Variants in CYP4A11 observed in about 807,000 individuals in gnomAD.
CYP4A11 encodes the protein cytochrome P450 family 4 subfamily A member 11.
In CYP4A11, 52 loss-of-function variants were observed where a neutral mutation model predicts 57.7. The observed-to-expected ratio is 0.90, with a 90% CI of 0.72 to 1.14. The LOEUF (loss-of-function observed/expected upper bound fraction) is 1.14. Among genes scored for constraint, CYP4A11 ranks in the 50% most tolerant of loss-of-function variants. The pLI, the probability that CYP4A11 is intolerant of heterozygous loss-of-function variation, is 0.00. For synonymous variants in CYP4A11, 228 were observed against 247.1 expected (o/e 0.92, Z 0.72); for missense variants, 641 against 642.1 (o/e 1.00, Z 0.02).
chr1:46,935,659 G>A lies in CYP4A11; in HGVS notation c.511-12C>T, dbSNP rs1044948725. ...TCTTCCCATTTGTCCTGTGGTGGGA[G>A]GGGGCATGGACCTTCTTAATCTCCA... On this transcript the variant is annotated splice_polypyrimidine_tract_variant and intron_variant, in intron 4 of 11. Transcript: ENST00000310638. 1 of 1,610,870 alleles carries A rather than the reference G, an allele frequency of 6.2e-7. No individual in the cohort carries two copies. The highest frequency in any genetic ancestry group is 1.7e-5 in the Admixed American group (1 of 59,468).
rs539428854 is a variant in CYP4A11 at position 46,935,527 on chromosome 1, C to A, written c.631G>T (p.Asp211Tyr). The part of the protein sequence containing the change: ...AFSHQGSIQV[D>Y]RNSQSYIQAI... Reference sequence around the variant, plus strand: ...AGCTGGAGGGTTGTCACTGACCTGTCCACCTGGATGCTGCCCTGATGGCTG... The same window carrying A: ...AGCTGGAGGGTTGTCACTGACCTGTACACCTGGATGCTGCCCTGATGGCTG... The change falls in exon 5 of 12, where the codon GAC becomes TAC. Residue 211 changes from aspartate to tyrosine, a missense_variant. Asp to Tyr is a radical substitution (Grantham distance 160). Coordinates refer to ENST00000310638, the MANE Select transcript of CYP4A11 (RefSeq NM_000778.4). 9.9e-6 allele frequency: 16 copies of A among 1,613,762 alleles called. No homozygotes were observed. The South Asian group carries it at 1.4e-4, about 14-fold the overall frequency.
Position 46,932,975 on chromosome 1 carries a change from C to G in CYP4A11, c.1287+8G>C, listed in dbSNP as rs758135288. The G allele has an allele frequency of 6.2e-7, 1 of 1,614,204 alleles. No homozygotes were observed. Among genetic ancestry groups the G allele is most frequent in the Non-Finnish European group, 8.5e-7 (1 of 1,180,038 alleles). ...TCACCTCATTTCCTCCTCTCAAGGA[C>G]CACATACCTCTGGGTTGGGCCACAC... On this transcript the variant is annotated splice_region_variant and intron_variant, in intron 10 of 11. Coordinates refer to ENST00000310638, the MANE Select transcript of CYP4A11 (RefSeq NM_000778.4).
At chr1:46,930,542 C>T (rs1680958749) in intron 11 of CYP4A11, among the ~76,000 whole-genome samples, 1 of 152,200 alleles carries the variant, frequency 6.6e-6, no homozygotes, top group Admixed American at 6.5e-5. Flanking sequence ...CTACCCTCTA[C>T]CTCTGCTCTC....
At position 46,930,105 on chromosome 1, in the gene CYP4A11, G is replaced by T. The variant is rs1680920699; in HGVS notation, c.*10C>A. ...GGGGGTCAGGAAGACAGGACGGCAG[G>T]TGGAGGCCCTCAAAGCTGGTCCTTG... is the stretch of plus-strand genomic sequence containing the variant. On this transcript the variant is annotated 3_prime_UTR_variant, in exon 12 of 12. Transcript: ENST00000310638. 1.2e-6 allele frequency: 2 copies of T among 1,603,446 alleles called. No homozygotes were observed. Among genetic ancestry groups the T allele is most frequent in the Non-Finnish European group, 8.5e-7 (1 of 1,173,310 alleles).
chr1:46,931,831 G>A (rs1681046658), intron 11 of CYP4A11: 2 of 832,812 alleles, frequency 2.4e-6, no homozygotes, highest in African/African-American at 1.8e-5. Context: ...TATCGTTTTT[G>A]CCTGTGTGTA....
intron 9 of CYP4A11, among the ~76,000 whole-genome samples, 169 bp from the exon 10 acceptor site, chr1:46,933,216 G>A (rs371475955): frequency 1.5e-3 from 231 of 152,308 alleles, no homozygotes; most frequent in African/African-American, 5.3e-3. Flanking sequence ...AACAAAGCAT[G>A]TGAGTTCAGA....
chr1:46,939,254 C>T (rs933106618), intron 1 of CYP4A11, among the ~76,000 whole-genome samples: 2 of 152,240 alleles, frequency 1.3e-5, no homozygotes, highest in African/African-American at 2.4e-5. Flanking sequence ...GCTTGCCCTA[C>T]TGTGGGGTAG....
intron 1 of CYP4A11, 37 bp downstream of exon 1, chr1:46,941,202 C>T (rs1557563468): frequency 6.3e-7 from 1 of 1,593,850 alleles, no homozygotes; most frequent in Middle Eastern, 1.9e-4. Flanking sequence ...CCCCATCCCT[C>T]TTTGCCCTCC....
intron 1 of CYP4A11, 39 bp from the exon 2 acceptor site, chr1:46,938,176 T>C: frequency 6.2e-7 from 1 of 1,612,926 alleles, no homozygotes; most frequent in Non-Finnish European, 8.5e-7. Context: ...TTTCATTTAC[T>C]TCTAGTCTTT....
intron 1 of CYP4A11, 75 bp from the exon 2 acceptor site, chr1:46,938,212 C>T (rs1681538439): frequency 1.6e-5 from 25 of 1,578,982 alleles, no homozygotes; most frequent in Non-Finnish European, 2.0e-5. Context: ...GGCAGGACAA[C>T]TACAGGAGCC....
At chr1:46,932,931 A>C (rs1194342243) in intron 10 of CYP4A11, 52 bp downstream of exon 10, 4 of 1,613,970 alleles carry the variant, frequency 2.5e-6, no homozygotes, top group South Asian at 2.2e-5. Context: ...AAGCAGGAGA[A>C]GGTATTGGTC....
At chr1:46,940,838 C>G in intron 1 of CYP4A11, 2 of 985,374 alleles carry the variant, frequency 2.0e-6, no homozygotes, top group Non-Finnish European at 2.4e-6. Context: ...AGATGGGTGT[C>G]TGTGCTCCCT....
intron 3 of CYP4A11, among the ~76,000 whole-genome samples, chr1:46,937,054 A>C (rs1448197875): frequency 6.6e-6 from 1 of 152,198 alleles, no homozygotes; most frequent in Non-Finnish European, 1.5e-5. Flanking sequence ...TTGTGGGCAG[A>C]TGTAAAATAA....
In CYP4A11 at chr1:46,931,755, G is replaced by C. The variant is rs921250047; in HGVS notation, c.1364+1006C>G. The stretch of plus-strand genomic sequence containing the variant: ...TCTTAAAGCCTGTTCTGTGTAAGTG[G>C]ACTCACCGTTTCAAAAAGTCACATA... On this transcript the variant is annotated intron_variant, in intron 11 of 11. Coordinates refer to ENST00000310638, the MANE Select transcript of CYP4A11 (RefSeq NM_000778.4). The C allele has an allele frequency of 7.5e-6, 5 of 669,214 alleles. No homozygotes were observed. The African/African-American group carries it at 9.8e-5, about 13-fold the overall frequency. The allele number at this position is 669,214 out of a possible 1,614,324, so 41.5% of individuals were successfully genotyped here. A position where few individuals can be genotyped will look rare whatever the true frequency, so the allele number is the denominator to read the frequency against.
chr1:46,932,685 A>G lies in CYP4A11; in HGVS notation c.1364+76T>C, dbSNP rs566900897. The G allele has an allele frequency of 3.8e-5, 62 of 1,611,928 alleles. No homozygotes were observed. The Middle Eastern group carries it at 5.0e-4, about 13-fold the overall frequency. ...CCTGAAGATGCCACATATGAACATC[A>G]GGCTCACAAAGATCAGAGGGTTGAC... is the stretch of plus-strand genomic sequence containing the variant. On this transcript the variant is annotated intron_variant, in intron 11 of 11. Coordinates refer to ENST00000310638, the MANE Select transcript of CYP4A11 (RefSeq NM_000778.4).
chr1:46,936,747 G>A lies in CYP4A11; in HGVS notation c.427C>T (p.Arg143Ter), dbSNP rs754705570. The change falls in exon 4 of 12, where the codon CGA (arginine) becomes TGA (stop). Residue 143 changes from arginine to a stop codon, truncating the protein, a stop_gained. Transcript: ENST00000310638. LOFTEE classifies it high-confidence loss of function. ...TGGAAGGCTGGGGTCAGCATCCGTC[G>A]ATGCTGGAACCATGTCTGCCCATTC... ...LLNGQTWFQH[R>*]RMLTPAFHYD... The A allele has an allele frequency of 7.4e-6, 12 of 1,613,716 alleles. No individual in the cohort carries two copies. In the East Asian group the frequency reaches 2.0e-4, roughly 27 times the overall value.
At chr1:46,935,770 G>C in intron 4 of CYP4A11, 123 bp from the exon 5 acceptor site, 1 of 1,522,022 alleles carries the variant, frequency 6.6e-7, no homozygotes, top group Non-Finnish European at 8.8e-7. Flanking sequence ...ATCTTGGTTG[G>C]GATTCCTCAC....
intron 2 of CYP4A11, 29 bp downstream of exon 2, chr1:46,937,967 T>C (rs1444612695): frequency 6.2e-7 from 1 of 1,613,248 alleles, no homozygotes. Flanking sequence ...GGAAGACACA[T>C]TGCAGTTGGG....
intron 1 of CYP4A11, 174 bp downstream of exon 1, chr1:46,941,065 G>C: frequency 1.0e-6 from 1 of 959,554 alleles, no homozygotes; most frequent in Non-Finnish European, 1.2e-6. Flanking sequence ...GGCTTCATGG[G>C]AGAAGTGAGC....
Sources: gnomAD v4.1 joint callset for allele counts (sites outside exome capture counted in the v4.1 genomes callset) on GRCh38, gnomAD v4.1.1 for gene constraint, MANE v1.5 for transcripts, NCBI Gene and HGNC (gene_info 2026-07-23, HGNC 2026-07-21) for gene names.